Variants in SORBS3 observed in about 807,000 individuals in gnomAD.
SORBS3 encodes vinexin.
Under a neutral mutation model 98.0 loss-of-function variants are expected in SORBS3, and 69 were observed. The observed-to-expected ratio is 0.70, with a 90% CI of 0.58 to 0.86. SORBS3 has a LOEUF of 0.86. Among genes scored for constraint, SORBS3 ranks in the 40% least tolerant of loss-of-function variants. SORBS3 has a pLI of 0.00. For missense variants in SORBS3, 954 were observed against 908.5 expected, an observed-to-expected ratio of 1.05 and a Z score of -0.64; for synonymous variants, 394 against 355.4, an observed-to-expected ratio of 1.11 and a Z score of -1.22.
chr8:22,567,369 G>C (rs140002332), intron 16 of SORBS3, among the ~76,000 whole-genome samples, 194 bp downstream of exon 16: 17 of 152,346 alleles, frequency 1.1e-4, no homozygotes, highest in African/African-American at 4.1e-4. Context: ...CTAAATGAGG[G>C]TGGAGCCTAG....
intron 17 of SORBS3, 136 bp downstream of exon 17, chr8:22,569,409 G>A (rs1840513266): frequency 2.7e-6 from 2 of 730,748 alleles, no homozygotes; most frequent in Non-Finnish European, 4.0e-6. Flanking sequence ...GTGCCATCTC[G>A]GCTCACTGCA....
At chr8:22,557,999 C>A in intron 4 of SORBS3, 130 bp from the exon 5 acceptor site, 2 of 808,882 alleles carry the variant, frequency 2.5e-6, no homozygotes, top group Non-Finnish European at 4.4e-6. Flanking sequence ...GCAAGAGAAG[C>A]ATTTCCCAGC....
At chr8:22,565,377 C>T (rs1400113420) in intron 11 of SORBS3, 23 bp downstream of exon 11, 1 of 1,519,102 alleles carries the variant, frequency 6.6e-7, no homozygotes, top group Non-Finnish European at 8.9e-7. Flanking sequence ...AGGGTTCACC[C>T]GCGGGGCACG....
At chr8:22,564,196 G>A in intron 8 of SORBS3, 87 bp from the exon 9 acceptor site, 2 of 1,489,568 alleles carry the variant, frequency 1.3e-6, no homozygotes, top group African/African-American at 1.4e-5. Flanking sequence ...CCAGGGGAAG[G>A]GCAGGGGCCT....
chr8:22,565,300 C>T lies in SORBS3; in HGVS notation c.849C>T (p.Ser283=), dbSNP rs1840383385. The change falls in exon 11 of 21, where the codon AGC becomes AGT. Residue 283 remains serine, a synonymous_variant. Transcript: ENST00000240123. ...TGGAGAGAGAGCTGGCCGAGCTGAG[C>T]GCCGAGCTGGACAAGGACCTGCGGG... ...VLLERELAEL[S]AELDKDLRAI... is the part of the protein sequence containing the mutation. 1.3e-6 allele frequency: 2 copies of T among 1,558,076 alleles called. No individual in the cohort carries two copies. The highest frequency in any genetic ancestry group is 1.7e-6 in the Non-Finnish European group (2 of 1,151,352).
At chr8:22,555,470 A>T (rs1229501987) in intron 3 of SORBS3, among the ~76,000 whole-genome samples, 1 of 152,192 alleles carries the variant, frequency 6.6e-6, no homozygotes, top group African/African-American at 2.4e-5. Context: ...ATCCTTTATC[A>T]AGCATTCCCC....
chr8:22,565,722 C>G (rs1177624060), intron 11 of SORBS3, 104 bp from the exon 12 acceptor site: 1 of 1,237,492 alleles, frequency 8.1e-7, no homozygotes, highest in Non-Finnish European at 1.0e-6. Context: ...GCGTCCCGCC[C>G]GCTCTCCTCC....
intron 11 of SORBS3, 49 bp from the exon 12 acceptor site, chr8:22,565,777 C>T (rs1417913394): frequency 4.6e-6 from 6 of 1,304,026 alleles, no homozygotes; most frequent in South Asian, 4.2e-5. Flanking sequence ...CCTCGGCTGC[C>T]GCTGGGTCCC....
chr8:22,563,098 G>A (rs954754635), intron 7 of SORBS3, among the ~76,000 whole-genome samples: 2 of 151,376 alleles, frequency 1.3e-5, no homozygotes, highest in Non-Finnish European at 2.9e-5. Context: ...CAGCCTGGGC[G>A]ACAGAGCGAG....
chr8:22,573,146 C>T (rs546730922), intron 20 of SORBS3, among the ~76,000 whole-genome samples: 1 of 152,326 alleles, frequency 6.6e-6, no homozygotes, highest in South Asian at 2.1e-4. Flanking sequence ...CCCACCCTTC[C>T]TGATCTGATC....
At chr8:22,570,338 C>G (rs1300408691) in intron 17 of SORBS3, among the ~76,000 whole-genome samples, 1 of 152,212 alleles carries the variant, frequency 6.6e-6, no homozygotes, top group African/African-American at 2.4e-5. Context: ...GCCTTCAGGA[C>G]TCCCTGCCTG....
At chr8:22,569,478 T>G (rs1840514969) in intron 17 of SORBS3, among the ~76,000 whole-genome samples, 1 of 152,112 alleles carries the variant, frequency 6.6e-6, no homozygotes, top group Non-Finnish European at 1.5e-5. Context: ...TAGCTGGGAC[T>G]ACAGGCACGC....
chr8:22,574,786 T>C lies in SORBS3; in HGVS notation c.*58T>C, dbSNP rs1483471119. Reference sequence around the variant, plus strand: ...ATGGGGTGGGGAGCGGTGGCACTCGTGGGAGGGAGAGGACCCCCGCCCACA... The same window carrying C: ...ATGGGGTGGGGAGCGGTGGCACTCGCGGGAGGGAGAGGACCCCCGCCCACA... On this transcript the variant is annotated 3_prime_UTR_variant, in exon 21 of 21. Coordinates refer to ENST00000240123, the MANE Select transcript of SORBS3 (RefSeq NM_005775.5). 6.5e-7 allele frequency: 1 copy of C among 1,546,034 alleles called. No homozygotes were observed. The highest frequency in any genetic ancestry group is 2.2e-5 in the East Asian group (1 of 44,514).
Position 22,554,482 on chromosome 8 carries a change from G to T in SORBS3, c.-25G>T. On this transcript the variant is annotated 5_prime_UTR_variant, in exon 2 of 21. An upstream open reading frame in the 5' UTR gains an earlier in-frame stop. Coordinates refer to ENST00000240123, the MANE Select transcript of SORBS3 (RefSeq NM_005775.5). The surrounding 1 kb of genome is among the most constrained non-coding windows in gnomAD (Gnocchi z 6.5). ...ACGCAGAGGAGCAGCTGGCTTGCCC[G>T]GAGTCCTCCCACCTTGACCCAAGCA... is the stretch of plus-strand genomic sequence containing the variant. 1.2e-6 allele frequency: 2 copies of T among 1,603,848 alleles called. No individual in the cohort carries two copies. Among genetic ancestry groups the T allele is most frequent in the Non-Finnish European group, 1.7e-6 (2 of 1,177,440 alleles).
At position 22,570,929 on chromosome 8, in the gene SORBS3, T is replaced by G. The variant is rs757650613; in HGVS notation, c.1451T>G (p.Ile484Ser). The G allele has an allele frequency of 6.2e-7, 1 of 1,605,568 alleles. No homozygotes were observed. The highest frequency in any genetic ancestry group is 8.5e-7 in the Non-Finnish European group (1 of 1,174,304). The change falls in exon 18 of 21, where the codon ATC becomes AGC. Residue 484 changes from isoleucine (I) to serine (S), a missense_variant. Transcript: ENST00000240123. Reference protein sequence around the residue: ...SFRKGEHICLIRKVNENWYEG... With the variant: ...SFRKGEHICLSRKVNENWYEG... Reference sequence around the variant, plus strand: ...CCTCAGGGAGAGCACATCTGCCTGATCCGCAAGGTGAACGAGAACTGGTAC... The same window carrying G: ...CCTCAGGGAGAGCACATCTGCCTGAGCCGCAAGGTGAACGAGAACTGGTAC...
At chr8:22,570,864 C>G in intron 17 of SORBS3, 46 bp from the exon 18 acceptor site, 1 of 1,538,126 alleles carries the variant, frequency 6.5e-7, no homozygotes. Context: ...CCCGTGGGTC[C>G]ATGGCACCAG....
Position 22,561,386 on chromosome 8 carries a change from G to A in SORBS3, c.517+13G>A, listed in dbSNP as rs148758195. On this transcript the variant is annotated intron_variant, in intron 6 of 20. Coordinates refer to ENST00000240123, the MANE Select transcript of SORBS3 (RefSeq NM_005775.5). ...GAGCCACCCAGAGGTGAGGGGATGC[G>A]GGCCCACCTGCCTGCCATAGCCCTG... is the stretch of plus-strand genomic sequence containing the variant. The A allele has an allele frequency of 7.3e-5, 118 of 1,612,638 alleles. No homozygotes were observed. The highest frequency in any genetic ancestry group is 9.6e-5 in the Non-Finnish European group (113 of 1,179,424).
chr8:22,551,747 A>C, upstream of SORBS3: 1 of 984,202 alleles, frequency 1.0e-6, no homozygotes, highest in Middle Eastern at 5.2e-4. This position sits in a 1 kb window ranked among gnomAD's most constrained non-coding sequence, Gnocchi z 5.8. Flanking sequence ...TCTCCGGCCC[A>C]GCCCCGGCCC....
intron 8 of SORBS3, 23 bp downstream of exon 8, chr8:22,564,100 T>C: frequency 6.2e-7 from 1 of 1,607,138 alleles, no homozygotes. Flanking sequence ...GCATAGTCCC[T>C]GGTCAGCCCC....
Sources: allele counts gnomAD v4.1 joint callset (sites outside exome capture counted in the v4.1 genomes callset), GRCh38; gene constraint gnomAD v4.1.1; non-coding constraint Gnocchi (gnomAD v3.1); transcripts MANE v1.5; gene names NCBI Gene and HGNC (gene_info 2026-07-23, HGNC 2026-07-21).